HPCAL1: variants seen among roughly 807,000 people sequenced by gnomAD.
The protein encoded by HPCAL1 is hippocalcin like 1, also known as hippocalcin-like protein 1.
HPCAL1 carries 8 observed loss-of-function variants against 17.1 expected under a neutral mutation model. The observed-to-expected ratio is 0.47, with a 90% CI of 0.27 to 0.84. HPCAL1 has a LOEUF of 0.84. Among genes scored for constraint, HPCAL1 ranks in the 40% least tolerant of loss-of-function variants. HPCAL1 has a pLI of 0.13. For missense variants in HPCAL1, 165 were observed against 271.1 expected (o/e 0.61, Z 2.75); for synonymous variants, 112 against 111.4 (o/e 1.01, Z -0.03).
chr2:10,367,808 C>T lies in HPCAL1; in HGVS notation c.-110-29027C>T, dbSNP rs565741851. 5.9e-5 allele frequency among the ~76,000 whole-genome samples: 9 copies of T among 152,152 alleles called. No homozygotes were observed. The highest frequency in any genetic ancestry group is 8.8e-5 in the Non-Finnish European group (6 of 68,038). ...CCTCTGCTGCTGCGGCCACCCTCGC[C>T]GGCCCTGGATCCCCACACAGTGTGG... On this transcript the variant is annotated intron_variant, in intron 1 of 4. Coordinates refer to ENST00000307845, the MANE Select transcript of HPCAL1 (RefSeq NM_002149.4). This position sits in a 1 kb window ranked among gnomAD's most constrained non-coding sequence, Gnocchi z 4.4.
intron 1 of HPCAL1, among the ~76,000 whole-genome samples, chr2:10,387,349 C>T (rs1200103632): frequency 2.6e-5 from 4 of 152,266 alleles, no homozygotes; most frequent in Admixed American, 6.5e-5. Context: ...GAGGGCCATG[C>T]GGTGACGCAC....
intron 1 of HPCAL1, among the ~76,000 whole-genome samples, chr2:10,396,058 G>T: frequency 6.6e-6 from 1 of 152,318 alleles, no homozygotes. Flanking sequence ...TGCTTGGAAC[G>T]CTTGTGCCAG....
At chr2:10,421,752 G>A (rs1036892636) in intron 3 of HPCAL1, among the ~76,000 whole-genome samples, 1 of 152,118 alleles carries the variant, frequency 6.6e-6, no homozygotes, top group Non-Finnish European at 1.5e-5. Flanking sequence ...CAGAAGGGGT[G>A]GTCCCATGGT....
intron 2 of HPCAL1, among the ~76,000 whole-genome samples, chr2:10,401,172 C>G (rs1375717238): frequency 2.0e-5 from 3 of 152,120 alleles, no homozygotes; most frequent in Non-Finnish European, 4.4e-5. Context: ...CCAGGCTCCT[C>G]CCCACCCATG....
intron 1 of HPCAL1, among the ~76,000 whole-genome samples, chr2:10,349,964 C>G (rs945869550): frequency 6.6e-6 from 1 of 152,054 alleles, no homozygotes; most frequent in African/African-American, 2.4e-5. Flanking sequence ...AGCACCAAAT[C>G]CTTGCCGATT....
chr2:10,384,878 T>C lies in HPCAL1; in HGVS notation c.-110-11957T>C, dbSNP rs1038414330. Among the ~76,000 whole-genome samples, 4 of 152,000 alleles carry C rather than the reference T, an allele frequency of 2.6e-5. No individual in the cohort carries two copies. Among genetic ancestry groups the C allele is most frequent in the African/African-American group, 9.7e-5 (4 of 41,384 alleles). ...GGCTCATGCCTGTAATCCCAACGCT[T>C]TGGGAGGCCGAGGTGGGTGGATCAC... On this transcript the variant is annotated intron_variant, in intron 1 of 4. Transcript: ENST00000307845. The surrounding 1 kb of genome is among the most constrained non-coding windows in gnomAD (Gnocchi z 4.4).
intron 1 of HPCAL1, chr2:10,303,686 G>C (rs1343623514): frequency 6.6e-6 from 1 of 152,212 alleles, no homozygotes; most frequent in East Asian, 1.9e-4. Flanking sequence ...TGCGGCCCAC[G>C]TGGGTCGCCT....
intron 1 of HPCAL1, among the ~76,000 whole-genome samples, chr2:10,366,668 C>T (rs1470011659): frequency 2.0e-5 from 3 of 152,218 alleles, no homozygotes; most frequent in East Asian, 3.8e-4. Context: ...ATCCGACTCC[C>T]GCCCTGCAGC....
chr2:10,321,430 G>A (rs888998767), intron 1 of HPCAL1, among the ~76,000 whole-genome samples: 2 of 151,750 alleles, frequency 1.3e-5, no homozygotes, highest in Non-Finnish European at 2.9e-5. Flanking sequence ...TTTTTTTCAG[G>A]GGAAAGTGTT....
intron 2 of HPCAL1, among the ~76,000 whole-genome samples, chr2:10,406,788 G>T (rs978009928): frequency 6.6e-6 from 1 of 152,226 alleles, no homozygotes; most frequent in Non-Finnish European, 1.5e-5. Context: ...TGGGTCGGGG[G>T]TTGCTTTCAG....
At chr2:10,308,070 C>A (rs1572603707) in intron 1 of HPCAL1, among the ~76,000 whole-genome samples, 1 of 151,952 alleles carries the variant, frequency 6.6e-6, no homozygotes, top group Non-Finnish European at 1.5e-5. Context: ...GACCAGGGAG[C>A]GTGAAGTGCT....
chr2:10,364,667 C>T (rs1443547885), intron 1 of HPCAL1, among the ~76,000 whole-genome samples: 1 of 152,010 alleles, frequency 6.6e-6, no homozygotes, highest in Non-Finnish European at 1.5e-5. Flanking sequence ...TCACTGTAGC[C>T]TCGACCTCCC....
chr2:10,387,506 C>T (rs1384768395), intron 1 of HPCAL1, among the ~76,000 whole-genome samples: 1 of 152,236 alleles, frequency 6.6e-6, no homozygotes, highest in East Asian at 1.9e-4. Context: ...ACAACCTCAC[C>T]AGGGACAGTG....
chr2:10,316,843 A>G (rs1663347767), intron 1 of HPCAL1, among the ~76,000 whole-genome samples: 1 of 152,196 alleles, frequency 6.6e-6, no homozygotes, highest in Non-Finnish European at 1.5e-5. Context: ...TCTACTGTTC[A>G]TATTTATGGT....
At chr2:10,401,504 C>T (rs1215180058) in intron 2 of HPCAL1, among the ~76,000 whole-genome samples, 3 of 151,962 alleles carry the variant, frequency 2.0e-5, no homozygotes, top group East Asian at 1.9e-4. Flanking sequence ...ATGGGGCTCT[C>T]GGAGGGTGCA....
At chr2:10,399,263 C>T in intron 2 of HPCAL1, among the ~76,000 whole-genome samples, 1 of 112,774 alleles carries the variant, frequency 8.9e-6, no homozygotes, top group Non-Finnish European at 2.0e-5. Context: ...CCACCACCAT[C>T]ACCACCACCA....
chr2:10,399,253 CCACCACCAT>C (rs1558517587), intron 2 of HPCAL1, among the ~76,000 whole-genome samples: 2 of 67,600 alleles, frequency 3.0e-5, no homozygotes, highest in African/African-American at 4.9e-5. Flanking sequence ...ACCACCACCA[CCACCACCAT>C]CACCACCACC....
chr2:10,309,287 G>A (rs1224186590), intron 1 of HPCAL1, among the ~76,000 whole-genome samples: 2 of 152,102 alleles, frequency 1.3e-5, no homozygotes, highest in African/African-American at 4.8e-5. Context: ...TCCAGCCTTG[G>A]CCTCTCAAAG....
intron 1 of HPCAL1, among the ~76,000 whole-genome samples, chr2:10,315,150 G>A (rs1379922509): frequency 2.0e-5 from 3 of 152,058 alleles, no homozygotes; most frequent in East Asian, 1.9e-4. Flanking sequence ...AAAATTAGCC[G>A]GGCGTGGTGG....
Sources: gnomAD v4.1 joint callset for allele counts (sites outside exome capture counted in the v4.1 genomes callset) on GRCh38, gnomAD v4.1.1 for gene constraint, Gnocchi (gnomAD v3.1) non-coding constraint, MANE v1.5 for transcripts, NCBI Gene and HGNC (gene_info 2026-07-23, HGNC 2026-07-21) for gene names.